The following PLSCR2 variants were observed in gnomAD, a reference collection of about 807,000 sequenced individuals.
PLSCR2 encodes phospholipid scramblase 2.
In PLSCR2, 18 loss-of-function variants were observed where a neutral mutation model predicts 25.3. The observed-to-expected ratio is 0.71, with a 90% confidence interval of 0.49 to 1.06. The LOEUF (loss-of-function observed/expected upper bound fraction) is 1.06. Ranked by LOEUF, PLSCR2 falls within the 50% of genes least tolerant of loss-of-function variation. PLSCR2 has a pLI of 0.00. For synonymous variants in PLSCR2, 88 were observed against 87.3 expected, an observed-to-expected ratio of 1.01 and a Z score of -0.04; for missense variants, 243 against 269.5, an observed-to-expected ratio of 0.90 and a Z score of 0.69.
intron 1 of PLSCR2, among the ~76,000 whole-genome samples, chr3:146,471,274 A>G (rs942530986): frequency 6.6e-6 from 1 of 152,182 alleles, no homozygotes; most frequent in Non-Finnish European, 1.5e-5. Context: ...TCTTTTACCA[A>G]TAAGTCATGG....
At chr3:146,475,013 C>T (rs2108508852) in intron 1 of PLSCR2, among the ~76,000 whole-genome samples, 1 of 152,020 alleles carries the variant, frequency 6.6e-6, no homozygotes, top group African/African-American at 2.4e-5. Flanking sequence ...CCTCCCTAAA[C>T]TGGTTATTCT....
chr3:146,469,786 CCA>C (rs1491203322), intron 1 of PLSCR2, among the ~76,000 whole-genome samples: 3 of 115,964 alleles, frequency 2.6e-5, no homozygotes, highest in Admixed American at 1.9e-4. Context: ...ACCCACCCCC[CCA>C]CGCCGTGTGC....
intron 2 of PLSCR2, among the ~76,000 whole-genome samples, chr3:146,414,414 T>C (rs371898161): frequency 5.9e-5 from 9 of 152,340 alleles, no homozygotes; most frequent in African/African-American, 1.9e-4. Context: ...TAATTACTTA[T>C]GGTGTTTCTG....
downstream of PLSCR2, among the ~76,000 whole-genome samples, chr3:146,440,955 T>C (rs1219902810): frequency 6.6e-6 from 1 of 152,170 alleles, no homozygotes; most frequent in Non-Finnish European, 1.5e-5. Flanking sequence ...AATGATAGAA[T>C]ACAGGAGCTA....
downstream of PLSCR2, among the ~76,000 whole-genome samples, chr3:146,430,310 GA>G (rs2039502597): frequency 6.6e-6 from 1 of 152,090 alleles, no homozygotes; most frequent in South Asian, 2.1e-4. Context: ...ATTGAAAATT[GA>G]GGAAAATTAA....
At chr3:146,464,499 C>T (rs529203041), upstream of PLSCR2, among the ~76,000 whole-genome samples, 7 of 152,226 alleles carry the variant, frequency 4.6e-5, no homozygotes, top group South Asian at 1.2e-3. Flanking sequence ...TCATTGCTTC[C>T]ACCACTCTTA....
In PLSCR2 at chr3:146,458,474, T is replaced by C. The variant is rs768762670; in HGVS notation, c.58-21A>G. 5 of 1,383,570 alleles carry C rather than the reference T, an allele frequency of 3.6e-6. No individual in the cohort carries two copies. In the African/African-American group the frequency reaches 7.4e-5, roughly 21 times the overall value. 85.7% of individuals were successfully genotyped at this position (1,383,570 alleles called of 1,614,324 possible). A position where few individuals can be genotyped will look rare whatever the true frequency, so the allele number is the denominator to read the frequency against. On this transcript the variant is annotated intron_variant, in intron 2 of 6. Transcript: ENST00000610787. ...TCTATCTATTATAGTAAAAAGAAAATGAAGTTGTATGTCAAATATTTTATA... is the reference window on the plus strand; with the variant it reads ...TCTATCTATTATAGTAAAAAGAAAACGAAGTTGTATGTCAAATATTTTATA...
intron 2 of PLSCR2, among the ~76,000 whole-genome samples, chr3:146,403,531 G>A (rs1390458219): frequency 2.6e-5 from 4 of 152,140 alleles, no homozygotes; most frequent in Non-Finnish European, 5.9e-5. Flanking sequence ...ATTCAAGGAT[G>A]TTTAGATTCC....
chr3:146,410,276 A>C (rs959573180), intron 2 of PLSCR2, among the ~76,000 whole-genome samples: 16 of 152,148 alleles, frequency 1.1e-4, no homozygotes, highest in African/African-American at 3.9e-4. Flanking sequence ...AAATGAAGTA[A>C]AGCAGTATGG....
At position 146,423,275 on chromosome 3, in the gene PLSCR2, CTCTCTCT is replaced by C. The variant is rs1447462969; in HGVS notation, c.101-27361_101-27355del. Among the ~76,000 whole-genome samples, 995 of 140,432 alleles carry C rather than the reference CTCTCTCT, an allele frequency of 7.1e-3. 41 individuals are homozygous for C. The highest frequency in any genetic ancestry group is 9.3e-3 in the African/African-American group (318 of 34,234). The allele number at this position is 140,432 out of a possible 152,430, so 92.1% of individuals were successfully genotyped here. On this transcript the variant is annotated intron_variant and NMD_transcript_variant, in intron 2 of 3. Transcript: ENST00000463633. ...TCTCTCTCTCTCTCTCTCTCTCTCT[CTCTCTCT>C]CCCTGGCTAGATTCTCACAAGAAAC... is the stretch of plus-strand genomic sequence containing the variant.
At chr3:146,408,538 G>T (rs1453115961) in intron 2 of PLSCR2, among the ~76,000 whole-genome samples, 1 of 151,680 alleles carries the variant, frequency 6.6e-6, no homozygotes, top group Admixed American at 6.6e-5. Flanking sequence ...GAAAACTTTC[G>T]ATTGTCAGAA....
chr3:146,480,629 A>G (rs149286950), intron 1 of PLSCR2, among the ~76,000 whole-genome samples: 1,665 of 144,588 alleles, frequency 0.012, 26 homozygotes, highest in African/African-American at 0.041. Context: ...GACCAGATGG[A>G]TTCACAGCTG....
At chr3:146,427,353 T>C (rs1435391604) in intron 2 of PLSCR2, among the ~76,000 whole-genome samples, 2 of 152,194 alleles carry the variant, frequency 1.3e-5, no homozygotes, top group Non-Finnish European at 2.9e-5. Flanking sequence ...TCCTGGAGAC[T>C]GAAAGAGAGC....
chr3:146,418,636 A>G (rs949911346), intron 2 of PLSCR2, among the ~76,000 whole-genome samples: 1 of 152,124 alleles, frequency 6.6e-6, no homozygotes, highest in African/African-American at 2.4e-5. Flanking sequence ...TGTGGCTGTC[A>G]GTTTCACCTT....
chr3:146,475,539 C>T (rs2042257993), intron 1 of PLSCR2, among the ~76,000 whole-genome samples: 1 of 152,124 alleles, frequency 6.6e-6, no homozygotes, highest in African/African-American at 2.4e-5. Flanking sequence ...GCCTCCTCCC[C>T]AGGCTTTGTT....
At chr3:146,476,278 C>A (rs1335282358) in intron 1 of PLSCR2, among the ~76,000 whole-genome samples, 1 of 152,190 alleles carries the variant, frequency 6.6e-6, no homozygotes, top group Non-Finnish European at 1.5e-5. Flanking sequence ...ATCGCCTCAC[C>A]TGAGAGCCAC....
At chr3:146,474,585 C>T (rs2042224130) in intron 1 of PLSCR2, among the ~76,000 whole-genome samples, 1 of 152,036 alleles carries the variant, frequency 6.6e-6, no homozygotes, top group Non-Finnish European at 1.5e-5. Flanking sequence ...TCGTTTCAGC[C>T]TGGGAGAATC....
intron 2 of PLSCR2, among the ~76,000 whole-genome samples, chr3:146,423,228 G>T (rs1034450453): frequency 1.4e-5 from 1 of 70,826 alleles, no homozygotes. Flanking sequence ...TCCTCTCCTT[G>T]CAGTGCCTCT....
At chr3:146,430,039 C>T (rs114355821), downstream of PLSCR2, among the ~76,000 whole-genome samples, 333 of 152,128 alleles carry the variant, frequency 2.2e-3, 1 homozygote, top group African/African-American at 7.4e-3. Flanking sequence ...CACTAAATTC[C>T]GCGCCTGGCT....
Sources: allele counts gnomAD v4.1 joint callset (sites outside exome capture counted in the v4.1 genomes callset), GRCh38; gene constraint gnomAD v4.1.1; transcripts MANE v1.5; gene names NCBI Gene and HGNC (gene_info 2026-07-23, HGNC 2026-07-21).